Variants in MRGPRX3 observed in about 807,000 individuals in gnomAD.
MRGPRX3 encodes the protein MAS related GPR family member X3, also known as mas-related G protein-coupled receptor member X3.
Under a neutral mutation model 16.5 loss-of-function variants are expected in MRGPRX3, and 14 were observed. The ratio of observed to expected loss-of-function variants is 0.85; its 90% CI spans 0.56 to 1.33. MRGPRX3 has a LOEUF of 1.33. Among genes scored for constraint, MRGPRX3 ranks in the 40% most tolerant of loss-of-function variants. MRGPRX3 has a pLI of 0.00. For missense variants in MRGPRX3, 449 were observed against 413.0 expected (o/e 1.09, Z -0.76); for synonymous variants, 199 against 180.1 (o/e 1.10, Z -0.84).
upstream of MRGPRX3, among the ~76,000 whole-genome samples, chr11:18,130,839 T>C (rs4619132): frequency 0.16 from 24,812 of 151,938 alleles, 2,159 homozygotes; most frequent in Middle Eastern, 0.26. Flanking sequence ...ACTAGGCACA[T>C]AGACCAATGG....
At position 18,138,193 on chromosome 11, in the gene MRGPRX3, G is replaced by A. The variant is rs1208062886; in HGVS notation, c.*22G>A. On this transcript the variant is annotated 3_prime_UTR_variant, in exon 2 of 2. Transcript: ENST00000621697. ...GTGAGGAAGAACCTCTGCCCTGTCAGACAGGACTTTGAGAGCAATGCTGCC... is the reference window on the plus strand; with the variant it reads ...GTGAGGAAGAACCTCTGCCCTGTCAAACAGGACTTTGAGAGCAATGCTGCC... The A allele has an allele frequency of 2.5e-6, 4 of 1,578,536 alleles. No homozygotes were observed. The South Asian group carries it at 4.7e-5, about 18-fold the overall frequency.
upstream of MRGPRX3, among the ~76,000 whole-genome samples, chr11:18,131,482 G>A (rs904031392): frequency 3.3e-5 from 5 of 152,188 alleles, no homozygotes; most frequent in African/African-American, 9.6e-5. Flanking sequence ...ACTGTAATGC[G>A]ATACCACCTT....
Position 18,137,850 on chromosome 11 carries a change from G to C in MRGPRX3, c.648G>C (p.Val216=), listed in dbSNP as rs1400154045. The C allele has an allele frequency of 6.2e-7, 1 of 1,614,202 alleles. No homozygotes were observed. The change falls in exon 2 of 2, where the codon GTG becomes GTC. Residue 216 remains valine, a synonymous_variant. Transcript: ENST00000621697. ...SRKMPLTRLY[V]TILLTVLVFL... ...AGATGCCGCTGACCAGGCTGTACGT[G>C]ACCATCCTCCTCACAGTGCTGGTCT... is the stretch of plus-strand genomic sequence containing the variant.
chr11:18,129,045 T>C (rs1848933137), upstream of MRGPRX3, among the ~76,000 whole-genome samples: 2 of 152,164 alleles, frequency 1.3e-5, no homozygotes, highest in African/African-American at 2.4e-5. Context: ...GCAAAAGTGG[T>C]GCTAAGAGGA....
upstream of MRGPRX3, among the ~76,000 whole-genome samples, chr11:18,129,978 A>G (rs186891800): frequency 2.3e-3 from 348 of 152,334 alleles, no homozygotes; most frequent in Admixed American, 4.6e-3. Flanking sequence ...AAAATCTAAC[A>G]TTTCTTTATG....
In MRGPRX3 at chr11:18,134,287, C is replaced by A. The variant is rs1288469696; in HGVS notation, c.-26+1548C>A. Among the ~76,000 whole-genome samples, 3 of 152,276 alleles carry A rather than the reference C, an allele frequency of 2.0e-5. No individual in the cohort carries two copies. In the East Asian group the frequency reaches 5.8e-4, roughly 29 times the overall value. ...AGAAAGTATAGTTGTGCCTCTGGGT[C>A]ACTAGGTTCTGAATCTACAGATTCA... is the stretch of plus-strand genomic sequence containing the variant. On this transcript the variant is annotated intron_variant, in intron 1 of 1. Transcript: ENST00000621697.
At chr11:18,129,286 T>G (rs1279477350), upstream of MRGPRX3, among the ~76,000 whole-genome samples, 1 of 152,112 alleles carries the variant, frequency 6.6e-6, no homozygotes, top group Admixed American at 6.5e-5. Context: ...TGATACACCA[T>G]TAGCAAGGTT....
intron 1 of MRGPRX3, among the ~76,000 whole-genome samples, chr11:18,123,250 G>T (rs1031401887): frequency 6.6e-6 from 1 of 152,022 alleles, no homozygotes; most frequent in Non-Finnish European, 1.5e-5. Context: ...TTTTAGACAC[G>T]AAGTCCTTGC....
rs749537368 is a variant in MRGPRX3 at position 18,137,383 on chromosome 11, G to T, written c.181G>T (p.Val61Phe). 1.2e-5 allele frequency: 19 copies of T among 1,614,056 alleles called. No individual in the cohort carries two copies. The highest frequency in any genetic ancestry group is 2.7e-5 in the African/African-American group (2 of 74,918). ...GGGCTGCCGCATGCGCAGGAACGCT[G>T]TCTCCATCTACATCCTCAACCTGGT... ...LLGCRMRRNA[V>F]SIYILNLVAA... Residue 61 changes from valine to phenylalanine, a missense_variant, in exon 2 of 2, where the codon GTC becomes TTC. Val to Phe is a conservative substitution (Grantham distance 50, BLOSUM62 -1). Transcript: ENST00000621697.
intron 1 of MRGPRX3, 56 bp from the exon 2 acceptor site, chr11:18,137,122 G>C: frequency 6.8e-7 from 1 of 1,480,150 alleles, no homozygotes; most frequent in African/African-American, 1.4e-5. Flanking sequence ...ATGGCAGGGT[G>C]GTGGGGAGAA....
upstream of MRGPRX3, among the ~76,000 whole-genome samples, chr11:18,129,798 C>T (rs2956631): frequency 0.18 from 27,724 of 152,080 alleles, 2,782 homozygotes; most frequent in Non-Finnish European, 0.23. Flanking sequence ...ACTAGCTAAC[C>T]CAATCCAACA....
At position 18,137,388 on chromosome 11, in the gene MRGPRX3, C is replaced by T. The variant is rs199753167; in HGVS notation, c.186C>T (p.Ser62=). 1.3e-4 allele frequency: 212 copies of T among 1,614,198 alleles called. No homozygotes were observed. Among genetic ancestry groups the T allele is most frequent in the Non-Finnish European group, 1.7e-4 (203 of 1,180,038 alleles). ...GCCGCATGCGCAGGAACGCTGTCTC[C>T]ATCTACATCCTCAACCTGGTCGCGG... ...LGCRMRRNAV[S]IYILNLVAAD... is the part of the protein sequence containing the mutation. Residue 62 remains serine, a synonymous_variant, in exon 2 of 2, where the codon TCC becomes TCT. Transcript: ENST00000621697.
At chr11:18,124,974 A>G (rs1163328409) in intron 1 of MRGPRX3, among the ~76,000 whole-genome samples, 7 of 152,140 alleles carry the variant, frequency 4.6e-5, no homozygotes, top group Admixed American at 2.0e-4. Context: ...GTTTATTTGC[A>G]TAGAGGTGTT....
At chr11:18,135,086 C>T (rs1444176815) in intron 1 of MRGPRX3, among the ~76,000 whole-genome samples, 4 of 152,116 alleles carry the variant, frequency 2.6e-5, no homozygotes, top group Non-Finnish European at 4.4e-5. Context: ...CTCCAGGGAC[C>T]AGGGGCTGGT....
intron 1 of MRGPRX3, chr11:18,121,272 C>G (rs886168020): frequency 6.3e-6 from 1 of 158,424 alleles, no homozygotes; most frequent in Non-Finnish European, 1.4e-5. Flanking sequence ...GCAGCCACCC[C>G]GTCTGGGAAG....
At chr11:18,128,027 G>A (rs1340731199), upstream of MRGPRX3, among the ~76,000 whole-genome samples, 1 of 152,236 alleles carries the variant, frequency 6.6e-6, no homozygotes, top group Non-Finnish European at 1.5e-5. Flanking sequence ...GGAGTTTGCT[G>A]GAGGTCCACT....
chr11:18,122,895 G>A (rs1275902756), intron 1 of MRGPRX3, among the ~76,000 whole-genome samples: 4 of 152,138 alleles, frequency 2.6e-5, no homozygotes, highest in African/African-American at 9.7e-5. Flanking sequence ...GGTGTGAGAT[G>A]GTATCTCATT....
chr11:18,125,802 A>G (rs889290817), intron 1 of MRGPRX3, among the ~76,000 whole-genome samples: 5 of 152,130 alleles, frequency 3.3e-5, no homozygotes, highest in African/African-American at 1.2e-4. Flanking sequence ...AAAGTCTCCC[A>G]TTATTATTGT....
upstream of MRGPRX3, among the ~76,000 whole-genome samples, chr11:18,131,581 G>A (rs1848961118): frequency 6.6e-6 from 1 of 152,100 alleles, no homozygotes; most frequent in African/African-American, 2.4e-5. Flanking sequence ...TTACACTGCT[G>A]GTGGGAATGT....
Sources: gnomAD v4.1 joint callset for allele counts (sites outside exome capture counted in the v4.1 genomes callset) on GRCh38, gnomAD v4.1.1 for gene constraint, MANE v1.5 for transcripts, NCBI Gene and HGNC (gene_info 2026-07-23, HGNC 2026-07-21) for gene names.